The following PTPRD variants were observed in gnomAD, a reference collection of about 807,000 sequenced individuals.
The protein encoded by PTPRD is receptor-type tyrosine-protein phosphatase delta.
Under a neutral mutation model 214.5 loss-of-function variants are expected in PTPRD, and 34 were observed. The ratio of observed to expected loss-of-function variants is 0.16; its 90% CI spans 0.12 to 0.21. PTPRD has a LOEUF of 0.21. PTPRD is among the 10% of genes least tolerant of loss of function. The pLI is 1.00. For synonymous variants in PTPRD, 1,128 were observed against 845.7 expected, an observed-to-expected ratio of 1.33 and a Z score of -5.79; for missense variants, 2,545 against 2,398.7, an observed-to-expected ratio of 1.06 and a Z score of -1.27.
chr9:8,835,538 T>C (rs1214351849), intron 11 of PTPRD, among the ~76,000 whole-genome samples: 6 of 152,144 alleles, frequency 3.9e-5, no homozygotes, highest in African/African-American at 1.4e-4. Context: ...TGTTTTGTTG[T>C]TGTTGCTGTT....
chr9:10,077,299 G>A (rs1055144720), intron 3 of PTPRD, among the ~76,000 whole-genome samples: 7 of 152,028 alleles, frequency 4.6e-5, no homozygotes, highest in African/African-American at 1.4e-4. Flanking sequence ...ATGTATCAGA[G>A]ATTTCACATA....
At chr9:9,716,298 G>C (rs1323133689) in intron 7 of PTPRD, among the ~76,000 whole-genome samples, 1 of 151,802 alleles carries the variant, frequency 6.6e-6, no homozygotes, top group Non-Finnish European at 1.5e-5. Context: ...ATTGTGAATA[G>C]TGCTGTAATA....
At chr9:8,750,125 G>A (rs1362107574) in intron 11 of PTPRD, among the ~76,000 whole-genome samples, 1 of 151,674 alleles carries the variant, frequency 6.6e-6, no homozygotes, top group Non-Finnish European at 1.5e-5. Context: ...CAAGTTCCCT[G>A]ATACTGATAC....
chr9:9,286,877 T>A (rs542739462), intron 9 of PTPRD, among the ~76,000 whole-genome samples: 1,799 of 6,492 alleles, frequency 0.28, 23 homozygotes, highest in Non-Finnish European at 0.3. Flanking sequence ...CTACTGAATA[T>A]ATATATATAT....
chr9:9,885,984 TAA>T (rs74310891), intron 5 of PTPRD, among the ~76,000 whole-genome samples: 3,991 of 138,886 alleles, frequency 0.029, 146 homozygotes, highest in African/African-American at 0.098. Context: ...CCCCACATAT[TAA>T]AAAAAAAAAA....
At chr9:8,943,321 A>C (rs1021554147) in intron 11 of PTPRD, among the ~76,000 whole-genome samples, 1 of 151,970 alleles carries the variant, frequency 6.6e-6, no homozygotes, top group Non-Finnish European at 1.5e-5. Flanking sequence ...AGCCAAACCT[A>C]CCCTGAGCAA....
At chr9:9,639,265 T>C (rs1407774131) in intron 7 of PTPRD, among the ~76,000 whole-genome samples, 3 of 152,208 alleles carry the variant, frequency 2.0e-5, no homozygotes, top group Non-Finnish European at 4.4e-5. Flanking sequence ...TTTCTACTCA[T>C]CATTTTAGTG....
intron 8 of PTPRD, among the ~76,000 whole-genome samples, chr9:9,491,574 A>G (rs2095898895): frequency 6.6e-6 from 1 of 150,908 alleles, no homozygotes; most frequent in Admixed American, 6.6e-5. Context: ...TAGAAAATAG[A>G]CATCACACCA....
At chr9:10,458,937 A>T (rs1002633367) in intron 2 of PTPRD, among the ~76,000 whole-genome samples, 1 of 152,164 alleles carries the variant, frequency 6.6e-6, no homozygotes, top group Non-Finnish European at 1.5e-5. Context: ...CCTGGGGTAT[A>T]TGTGCAGAAC....
intron 8 of PTPRD, among the ~76,000 whole-genome samples, chr9:9,508,841 C>T (rs974193779): frequency 6.6e-6 from 1 of 151,590 alleles, no homozygotes; most frequent in Non-Finnish European, 1.5e-5. Context: ...GTGAAATCTT[C>T]CTTGAATGAT....
chr9:9,258,801 G>A (rs769882362), intron 9 of PTPRD, among the ~76,000 whole-genome samples: 1 of 151,854 alleles, frequency 6.6e-6, no homozygotes, highest in East Asian at 2.0e-4. Context: ...GGGACTGGGG[G>A]ATGGAGAGGT....
Position 8,436,575 on chromosome 9 carries a change from T to C in PTPRD, c.4086+17A>G, listed in dbSNP as rs371653334. Reference sequence around the variant, plus strand: ...TAACTCTTGAAATTACTGTAAAGAATAAACACAGTGAATTACCTCATATTC... The same window carrying C: ...TAACTCTTGAAATTACTGTAAAGAACAAACACAGTGAATTACCTCATATTC... On this transcript the variant is annotated intron_variant, in intron 35 of 45. Coordinates refer to ENST00000381196, the MANE Select transcript of PTPRD (RefSeq NM_002839.4). 2.5e-6 allele frequency: 4 copies of C among 1,577,334 alleles called. No individual in the cohort carries two copies. Among genetic ancestry groups the C allele is most frequent in the East Asian group, 2.2e-5 (1 of 44,608 alleles).
rs544009792 is a variant in PTPRD at position 9,993,142 on chromosome 9, A to C, written c.-472+40576T>G. Among the ~76,000 whole-genome samples the C allele has an allele frequency of 4.5e-4, 69 of 152,250 alleles. No individual in the cohort carries two copies. In the South Asian group the frequency reaches 0.014, roughly 31 times the overall value. ...TCCCATGTGTATAATCACTAGTATGAGTTGGCAAAGATGTGGAGTAACTGG... is the reference window on the plus strand; with the variant it reads ...TCCCATGTGTATAATCACTAGTATGCGTTGGCAAAGATGTGGAGTAACTGG... On this transcript the variant is annotated intron_variant, in intron 4 of 45. Transcript: ENST00000381196.
At chr9:8,442,900 T>C (rs886860602) in intron 34 of PTPRD, among the ~76,000 whole-genome samples, 1 of 151,826 alleles carries the variant, frequency 6.6e-6, no homozygotes, top group Non-Finnish European at 1.5e-5. Flanking sequence ...ATGAATGGCA[T>C]AATTAAAATT....
chr9:8,649,658 A>T lies in PTPRD; in HGVS notation c.65-12814T>A, dbSNP rs192097839. Reference sequence around the variant, plus strand: ...ACATTTTTATAGATACACAATTTTGATACATAACAAAAATGTTTCATGTAG... The same window carrying T: ...ACATTTTTATAGATACACAATTTTGTTACATAACAAAAATGTTTCATGTAG... On this transcript the variant is annotated intron_variant, in intron 12 of 45. Transcript: ENST00000381196. 1.3e-4 allele frequency among the ~76,000 whole-genome samples: 20 copies of T among 152,350 alleles called. No individual in the cohort carries two copies. The East Asian group carries it at 3.9e-3, about 29-fold the overall frequency.
chr9:9,357,695 T>G (rs1308269053), intron 9 of PTPRD, among the ~76,000 whole-genome samples: 1 of 146,796 alleles, frequency 6.8e-6, no homozygotes, highest in Admixed American at 6.9e-5. Flanking sequence ...GAGGATGTGC[T>G]GCTCAATAGT....
chr9:9,308,361 G>A (rs1466403605), intron 9 of PTPRD, among the ~76,000 whole-genome samples: 1 of 152,180 alleles, frequency 6.6e-6, no homozygotes, highest in African/African-American at 2.4e-5. Context: ...TATGAGAATT[G>A]CAAGAATATT....
intron 7 of PTPRD, among the ~76,000 whole-genome samples, chr9:9,719,008 C>A (rs1362274692): frequency 6.6e-6 from 1 of 152,170 alleles, no homozygotes; most frequent in Non-Finnish European, 1.5e-5. Flanking sequence ...GGCCAGGATG[C>A]CAGTTTTGGG....
chr9:9,906,714 A>G (rs1295236408), intron 5 of PTPRD, among the ~76,000 whole-genome samples: 1 of 151,992 alleles, frequency 6.6e-6, no homozygotes, highest in Non-Finnish European at 1.5e-5. Flanking sequence ...TAGGAAAGGA[A>G]AAACTCAGTA....
Sources: gnomAD v4.1 joint callset for allele counts (sites outside exome capture counted in the v4.1 genomes callset) on GRCh38, gnomAD v4.1.1 for gene constraint, MANE v1.5 for transcripts, NCBI Gene and HGNC (gene_info 2026-07-23, HGNC 2026-07-21) for gene names.